The following TCF7L1 variants were observed in gnomAD, a reference collection of about 807,000 sequenced individuals.
TCF7L1 encodes transcription factor 7-like 1.
In TCF7L1, 18 loss-of-function variants were observed where a neutral mutation model predicts 63.7. The ratio of observed to expected loss-of-function variants is 0.28; its 90% CI spans 0.20 to 0.42. TCF7L1 has a LOEUF of 0.42. TCF7L1 is among the 10% of genes least tolerant of loss of function. TCF7L1 has a pLI of 1.00. For synonymous variants in TCF7L1, 355 were observed against 340.9 expected (o/e 1.04, Z -0.46); for missense variants, 654 against 779.3 (o/e 0.84, Z 1.91).
intron 3 of TCF7L1, among the ~76,000 whole-genome samples, chr2:85,217,467 G>C (rs1679735088): frequency 6.6e-6 from 1 of 152,200 alleles, no homozygotes; most frequent in African/African-American, 2.4e-5. Context: ...TCATGTCGCA[G>C]CATAGGGTGT....
chr2:85,295,775 C>CTTTT lies in TCF7L1; in HGVS notation c.526-6690_526-6687dup, dbSNP rs56373561. ...CTCAAAATGAAGAAAGTAACATTTA[C>CTTTT]TTTTTTTTTTTTTTTTTTTTTTGAG... On this transcript the variant is annotated intron_variant, in intron 4 of 11. Coordinates refer to ENST00000282111, the MANE Select transcript of TCF7L1 (RefSeq NM_031283.3). Among the ~76,000 whole-genome samples, 743 of 100,810 alleles carry CTTTT rather than the reference C, an allele frequency of 7.4e-3. 14 individuals carry two copies. The highest frequency in any genetic ancestry group is 9.0e-3 in the African/African-American group (220 of 24,428). The allele number at this position is 100,810 out of a possible 152,430, so 66.1% of individuals were successfully genotyped here.
Position 85,306,823 on chromosome 2 carries a change from C to G in TCF7L1, c.1257+264C>G, listed in dbSNP as rs923417221. Among the ~76,000 whole-genome samples the G allele has an allele frequency of 6.6e-6, 1 of 152,074 alleles. No individual in the cohort carries two copies. Among genetic ancestry groups the G allele is most frequent in the Non-Finnish European group, 1.5e-5 (1 of 68,020 alleles). The stretch of plus-strand genomic sequence containing the variant: ...GGGACTACAGGCACCTGCCACCACA[C>G]CCGGCTAATTTTTTGTATTTTTAGT... On this transcript the variant is annotated intron_variant, in intron 10 of 11. Transcript: ENST00000282111. The surrounding 1 kb of genome is among the most constrained non-coding windows in gnomAD (Gnocchi z 4.3).
intron 4 of TCF7L1, among the ~76,000 whole-genome samples, chr2:85,299,156 T>TC (rs2104384558): frequency 6.6e-6 from 1 of 151,992 alleles, no homozygotes; most frequent in East Asian, 1.9e-4. Context: ...TTTGCTGGTT[T>TC]CTCCCCAGGC....
At chr2:85,169,822 C>G (rs1255501892) in intron 3 of TCF7L1, among the ~76,000 whole-genome samples, 1 of 152,144 alleles carries the variant, frequency 6.6e-6, no homozygotes, top group Non-Finnish European at 1.5e-5. Context: ...CAGACTCGTC[C>G]AGCACAGACT....
chr2:85,203,870 A>G (rs918123659), intron 3 of TCF7L1, among the ~76,000 whole-genome samples: 1 of 152,214 alleles, frequency 6.6e-6, no homozygotes, highest in Non-Finnish European at 1.5e-5. Flanking sequence ...AACGATGTTG[A>G]AGCATCCTAT....
intron 3 of TCF7L1, among the ~76,000 whole-genome samples, chr2:85,142,458 GTGTGTGTTGTGTGTA>G (rs1200926258): frequency 4.0e-5 from 3 of 75,062 alleles, no homozygotes; most frequent in African/African-American, 9.9e-5. Context: ...GTGTGTGTGT[GTGTGTGTTGTGTGTA>G]TATATATAAT....
chr2:85,193,747 T>C (rs880092), intron 3 of TCF7L1, among the ~76,000 whole-genome samples: 28,577 of 151,994 alleles, frequency 0.19, 2,972 homozygotes, highest in African/African-American at 0.25. Context: ...TGTAAGAAAA[T>C]GTCTTTTTTG....
chr2:85,196,263 T>C (rs1004418399), intron 3 of TCF7L1, among the ~76,000 whole-genome samples: 1 of 152,226 alleles, frequency 6.6e-6, no homozygotes, highest in African/African-American at 2.4e-5. Flanking sequence ...ATAAACGATG[T>C]CATTCTTCTT....
chr2:85,187,321 G>A (rs570882778), intron 3 of TCF7L1: 9 of 152,174 alleles, frequency 5.9e-5, no homozygotes, highest in East Asian at 3.9e-4. Context: ...GTCTAATAGC[G>A]GAATTTCAGT....
chr2:85,215,193 A>G (rs1679671812), intron 3 of TCF7L1, among the ~76,000 whole-genome samples: 1 of 152,172 alleles, frequency 6.6e-6, no homozygotes, highest in Admixed American at 6.5e-5. Flanking sequence ...GCCCTCTCTC[A>G]GGTTCCGTTT....
intron 4 of TCF7L1, among the ~76,000 whole-genome samples, chr2:85,289,863 G>A (rs113383738): frequency 2.0e-4 from 31 of 152,056 alleles, no homozygotes; most frequent in African/African-American, 6.0e-4. Context: ...TAGTAGAGAC[G>A]GGGTTTCATC....
At chr2:85,149,359 T>A (rs529905554) in intron 3 of TCF7L1, among the ~76,000 whole-genome samples, 22 of 145,942 alleles carry the variant, frequency 1.5e-4, no homozygotes, top group South Asian at 1.1e-3. Flanking sequence ...ACACACACAC[T>A]AACTTTATAA....
chr2:85,296,981 A>T (rs1182369246), intron 4 of TCF7L1, among the ~76,000 whole-genome samples: 4 of 152,252 alleles, frequency 2.6e-5, no homozygotes, highest in Non-Finnish European at 5.9e-5. Context: ...GAAAATTGAC[A>T]TTCACCTAGA....
chr2:85,199,288 CT>C (rs1679224085), intron 3 of TCF7L1, among the ~76,000 whole-genome samples: 1 of 152,048 alleles, frequency 6.6e-6, no homozygotes, highest in Non-Finnish European at 1.5e-5. Context: ...GATTCTCTGT[CT>C]ATAAAATGGC....
chr2:85,195,658 C>T (rs762506254), intron 3 of TCF7L1, among the ~76,000 whole-genome samples: 1 of 152,004 alleles, frequency 6.6e-6, no homozygotes, highest in Non-Finnish European at 1.5e-5. Flanking sequence ...GAGATCCTCT[C>T]ACTGCAGCCT....
intron 3 of TCF7L1, among the ~76,000 whole-genome samples, chr2:85,260,033 G>T (rs1307939364): frequency 1.3e-5 from 2 of 152,282 alleles, no homozygotes; most frequent in South Asian, 2.1e-4. Context: ...GCACTAAACT[G>T]CAGGCTTATC....
chr2:85,220,473 C>G (rs1339365990), intron 3 of TCF7L1, among the ~76,000 whole-genome samples: 1 of 152,114 alleles, frequency 6.6e-6, no homozygotes, highest in South Asian at 2.1e-4. Context: ...TGAAGCGATT[C>G]TCCTGCCTCA....
intron 4 of TCF7L1, among the ~76,000 whole-genome samples, chr2:85,284,043 C>G (rs576788688): frequency 1.3e-5 from 2 of 152,322 alleles, no homozygotes; most frequent in African/African-American, 4.8e-5. Context: ...CGGAGTCTCG[C>G]TCTTTTGCCC....
chr2:85,210,243 C>T (rs1679510960), intron 3 of TCF7L1, among the ~76,000 whole-genome samples: 1 of 152,234 alleles, frequency 6.6e-6, no homozygotes, highest in South Asian at 2.1e-4. Context: ...TGCCTGGCCC[C>T]TTCCCCACAC....
Sources: allele counts gnomAD v4.1 joint callset (sites outside exome capture counted in the v4.1 genomes callset), GRCh38; gene constraint gnomAD v4.1.1; non-coding constraint Gnocchi (gnomAD v3.1); transcripts MANE v1.5; gene names NCBI Gene and HGNC (gene_info 2026-07-23, HGNC 2026-07-21).